The following UNC79 variants were observed in gnomAD, a reference collection of about 807,000 sequenced individuals.
The protein encoded by UNC79 is unc-79 subunit of NALCN channel complex.
A neutral mutation model predicts 283.1 loss-of-function variants in UNC79; 37 were observed. The observed-to-expected ratio is 0.13, with a 90% CI of 0.10 to 0.17. The LOEUF (loss-of-function observed/expected upper bound fraction) is 0.17, where lower values mean the gene tolerates loss of function less well. UNC79 is among the 10% of genes least tolerant of loss of function. The pLI, the probability that UNC79 is intolerant of heterozygous loss-of-function variation, is 1.00. For synonymous variants in UNC79, 1,107 were observed against 1,200.2 expected (o/e 0.92, Z 1.61); for missense variants, 2,272 against 3,211.1 (o/e 0.71, Z 7.07).
chr14:93,575,999 G>T (rs1173494918), intron 17 of UNC79, among the ~76,000 whole-genome samples: 1 of 152,190 alleles, frequency 6.6e-6, no homozygotes, highest in Non-Finnish European at 1.5e-5. Context: ...TACTTATTTT[G>T]TCATCTTCCT....
chr14:93,376,400 G>A lies in UNC79; in HGVS notation c.-351+42877G>A, dbSNP rs548171230. Among the ~76,000 whole-genome samples the A allele has an allele frequency of 9.9e-5, 15 of 152,084 alleles. No individual in the cohort carries two copies. In the South Asian group the frequency reaches 1.0e-3, roughly 11 times the overall value. On this transcript the variant is annotated intron_variant, in intron 1 of 49. Transcript: ENST00000256339. Reference sequence around the variant, plus strand: ...GAAAATGAGCATTATTTACTAATGCGTTCCAGGGTAGAATAGAACTGGTGG... The same window carrying A: ...GAAAATGAGCATTATTTACTAATGCATTCCAGGGTAGAATAGAACTGGTGG...
At chr14:93,603,629 C>T (rs1360896447) in intron 26 of UNC79, among the ~76,000 whole-genome samples, 2 of 152,168 alleles carry the variant, frequency 1.3e-5, no homozygotes, top group African/African-American at 4.8e-5. Context: ...AAGCCCTGAT[C>T]CAACAGTAGA....
At chr14:93,336,857 T>G (rs960660848) in intron 1 of UNC79, among the ~76,000 whole-genome samples, 1 of 152,184 alleles carries the variant, frequency 6.6e-6, no homozygotes, top group East Asian at 1.9e-4. Context: ...CCAAATCTCA[T>G]GTTGAAATGT....
rs141161566 is a variant in UNC79 at position 93,437,763 on chromosome 14, C to T, written c.22+6712C>T. On this transcript the variant is annotated intron_variant, in intron 1 of 48. Coordinates refer to ENST00000555664, the Ensembl canonical transcript of UNC79. ...GCATTCCTTGGTTGTAGCAGCATCA[C>T]GCCAATCTCTGCCTCCATCTTTACA... Among the ~76,000 whole-genome samples the T allele has an allele frequency of 4.9e-3, 753 of 152,268 alleles. 5 individuals carry two copies. Among genetic ancestry groups the T allele is most frequent in the African/African-American group, 0.017 (694 of 41,564 alleles).
chr14:93,654,043 A>C lies in UNC79; in HGVS notation c.6282+18A>C, dbSNP rs1474991791. ...TCCTAGAGGTGGGTTTCCTTTAATG[A>C]CACCCTAAGCCCCAGCCGAAACTCT... On this transcript the variant is annotated intron_variant, in intron 37 of 48. Transcript: ENST00000555664. The C allele has an allele frequency of 1.2e-5, 19 of 1,612,668 alleles. No individual in the cohort carries two copies. The highest frequency in any genetic ancestry group is 1.5e-5 in the Non-Finnish European group (18 of 1,178,980).
At chr14:93,467,692 T>C in exon 2 of UNC79, 1 of 1,250,138 alleles carries the variant, frequency 8.0e-7, no homozygotes, top group Non-Finnish European at 1.0e-6. Context: ...ATCCGGTACT[T>C]GCAGGAATAT....
chr14:93,660,882 G>A lies in UNC79; in HGVS notation c.6525+1621G>A, dbSNP rs559128538. ...TGGGATTACAGGCATGTCCCACTGC[G>A]CCCAACCTCAAGGCAATAGCATTTA... On this transcript the variant is annotated intron_variant, in intron 39 of 48. Coordinates refer to ENST00000555664, the Ensembl canonical transcript of UNC79. Among the ~76,000 whole-genome samples, 77 of 152,006 alleles carry A rather than the reference G, an allele frequency of 5.1e-4. No individual in the cohort carries two copies. The South Asian group carries it at 0.015, about 29-fold the overall frequency.
chr14:93,694,349 G>A (rs763540769), exon 47 of UNC79: 3 of 1,609,350 alleles, frequency 1.9e-6, no homozygotes, highest in Non-Finnish European at 1.7e-6. Context: ...TAGAAATGGT[G>A]TGTCTCCATG....
intron 17 of UNC79, among the ~76,000 whole-genome samples, chr14:93,575,628 T>A (rs2063433652): frequency 6.6e-6 from 1 of 152,210 alleles, no homozygotes; most frequent in African/African-American, 2.4e-5. Flanking sequence ...TGAGGGATGC[T>A]GTCACTGTGA....
At chr14:93,610,177 C>T (rs2066198746) in intron 26 of UNC79, among the ~76,000 whole-genome samples, 1 of 152,172 alleles carries the variant, frequency 6.6e-6, no homozygotes, top group African/African-American at 2.4e-5. Context: ...GGTCTATTTT[C>T]TAGACTTGAA....
intron 32 of UNC79, among the ~76,000 whole-genome samples, chr14:93,639,074 A>G (rs952090038): frequency 8.5e-5 from 13 of 152,202 alleles, no homozygotes; most frequent in African/African-American, 3.1e-4. Flanking sequence ...ATTAGGCAAT[A>G]ATTAGTTTGA....
chr14:93,600,833 C>G (rs1031196139), intron 25 of UNC79, 63 bp downstream of exon 25: 2 of 1,559,874 alleles, frequency 1.3e-6, no homozygotes, highest in Admixed American at 1.8e-5. Flanking sequence ...CCTAGACAAA[C>G]AGAAGACATT....
At chr14:93,427,168 T>TA (rs2055750329), upstream of UNC79, among the ~76,000 whole-genome samples, 5 of 152,212 alleles carry the variant, frequency 3.3e-5, no homozygotes, top group South Asian at 8.3e-4. Context: ...AAATAGGTGA[T>TA]ATCTCCTTTA....
At chr14:93,547,717 G>A (rs1472429233) in intron 14 of UNC79, among the ~76,000 whole-genome samples, 1 of 152,160 alleles carries the variant, frequency 6.6e-6, no homozygotes, top group Non-Finnish European at 1.5e-5. Flanking sequence ...AAGGCCAGGA[G>A]TAGTGGCTCA....
chr14:93,530,487 C>T (rs1172322937), intron 10 of UNC79, among the ~76,000 whole-genome samples: 1 of 152,144 alleles, frequency 6.6e-6, no homozygotes, highest in Non-Finnish European at 1.5e-5. Flanking sequence ...TGGCACGTGC[C>T]TGTAGTCCCA....
intron 1 of UNC79, among the ~76,000 whole-genome samples, chr14:93,341,604 CAA>C (rs952789518): frequency 0.074 from 4,647 of 62,648 alleles, 75 homozygotes; most frequent in South Asian, 0.15. Flanking sequence ...TCTGTCTCTA[CAA>C]AAAAAAAAAA....
intron 1 of UNC79, among the ~76,000 whole-genome samples, chr14:93,383,854 T>C (rs1392806717): frequency 3.3e-5 from 5 of 152,048 alleles, no homozygotes; most frequent in Non-Finnish European, 5.9e-5. Context: ...GTTCTCATGA[T>C]AGTGAATGAG....
intron 1 of UNC79, among the ~76,000 whole-genome samples, chr14:93,443,420 A>C: frequency 9.1e-6 from 1 of 109,682 alleles, no homozygotes; most frequent in Admixed American, 1.1e-4. Flanking sequence ...TTTCTGTCTG[A>C]CTTCTTTTTT....
Position 93,566,099 on chromosome 14 carries a change from G to A in UNC79, c.1756-5795G>A, listed in dbSNP as rs115876392. ...CTCCCAGTTGCAGCAATACTAAACC[G>A]AAGTTTCAGACAGCTGCCCATCAGC... On this transcript the variant is annotated intron_variant, in intron 14 of 48. Transcript: ENST00000555664. 3.9e-3 allele frequency among the ~76,000 whole-genome samples: 589 copies of A among 152,276 alleles called. 5 individuals carry two copies. Among genetic ancestry groups the A allele is most frequent in the African/African-American group, 0.013 (552 of 41,548 alleles).
Sources: gnomAD v4.1 joint callset for allele counts (sites outside exome capture counted in the v4.1 genomes callset) on GRCh38, gnomAD v4.1.1 for gene constraint, MANE v1.5 for transcripts, NCBI Gene and HGNC (gene_info 2026-07-23, HGNC 2026-07-21) for gene names.